Variants in SEMA4D observed in about 807,000 individuals in gnomAD.
SEMA4D encodes semaphorin 4D, also known as semaphorin-4D.
Under a neutral mutation model 74.8 loss-of-function variants are expected in SEMA4D, and 22 were observed. The ratio of observed to expected loss-of-function variants is 0.29; its 90% CI spans 0.21 to 0.42. SEMA4D has a LOEUF of 0.42. Among genes scored for constraint, SEMA4D ranks in the 10% least tolerant of loss-of-function variants. The pLI, the probability that SEMA4D is intolerant of heterozygous loss-of-function variation, is 1.00. For synonymous variants in SEMA4D, 445 were observed against 463.7 expected, an observed-to-expected ratio of 0.96 and a Z score of 0.52; for missense variants, 937 against 1,118.4, an observed-to-expected ratio of 0.84 and a Z score of 2.31.
downstream of SEMA4D, chr9:89,376,763 C>A: frequency 6.7e-7 from 1 of 1,498,326 alleles, no homozygotes; most frequent in Admixed American, 2.1e-5. Flanking sequence ...GGAGGATGCC[C>A]CCGCCCGCCC....
At chr9:89,388,828 G>A (rs760144022) in intron 10 of SEMA4D, 36 bp from the exon 11 acceptor site, 112 of 1,606,424 alleles carry the variant, frequency 7.0e-5, no homozygotes, top group East Asian at 5.1e-4. Context: ...ACCACCTGGC[G>A]GCATCAAGGG....
intron 13 of SEMA4D, chr9:89,384,510 G>A (rs771216576): frequency 5.0e-5 from 15 of 302,804 alleles, no homozygotes; most frequent in South Asian, 2.6e-4. Flanking sequence ...GTATTTCACA[G>A]GTAAAAAGCT....
intron 2 of SEMA4D, among the ~76,000 whole-genome samples, chr9:89,425,851 C>T (rs974970978): frequency 5.9e-5 from 9 of 152,238 alleles, no homozygotes; most frequent in South Asian, 2.1e-4. Context: ...TGGCACAGTG[C>T]TCTCCAGCTG....
At chr9:89,372,109 G>A (rs1835083305) in intron 16 of SEMA4D, among the ~76,000 whole-genome samples, 1 of 49,278 alleles carries the variant, frequency 2.0e-5, no homozygotes, top group South Asian at 9.9e-4. Flanking sequence ...GGTGTGATGG[G>A]TGTGGTGTGT....
At chr9:89,467,177 T>C (rs575991589) in intron 1 of SEMA4D, among the ~76,000 whole-genome samples, 1 of 152,296 alleles carries the variant, frequency 6.6e-6, no homozygotes, top group East Asian at 1.9e-4. Flanking sequence ...CACAAGGACA[T>C]GGGTACACGG....
At chr9:89,435,697 C>T (rs1850237020) in intron 2 of SEMA4D, among the ~76,000 whole-genome samples, 1 of 152,212 alleles carries the variant, frequency 6.6e-6, no homozygotes, top group Non-Finnish European at 1.5e-5. Flanking sequence ...CAGAGCAAGT[C>T]CTACAGGCTC....
chr9:89,492,368 T>C lies in SEMA4D; in HGVS notation c.-310+5551A>G, dbSNP rs1825696377. On this transcript the variant is annotated intron_variant, in intron 1 of 15. Coordinates refer to ENST00000422704, the MANE Select transcript of SEMA4D (RefSeq NM_001371194.2). This position sits in a 1 kb window ranked among gnomAD's most constrained non-coding sequence, Gnocchi z 4.3. ...GTTCCAGGCTCAGTCCTCGGACCTC[T>C]TCTCTTTTCCATCTACCTCAACTCC... Among the ~76,000 whole-genome samples the C allele has an allele frequency of 6.6e-6, 1 of 152,130 alleles. No homozygotes were observed. Among genetic ancestry groups the C allele is most frequent in the Admixed American group, 6.5e-5 (1 of 15,278 alleles).
chr9:89,385,079 G>A, intron 13 of SEMA4D: 2 of 979,636 alleles, frequency 2.0e-6, no homozygotes, highest in Non-Finnish European at 2.4e-6. Context: ...GAGGCTCCCT[G>A]TGTGGCCAGC....
chr9:89,385,575 T>C (rs1311299130), intron 13 of SEMA4D: 1 of 985,238 alleles, frequency 1.0e-6, no homozygotes, highest in East Asian at 1.1e-4. Context: ...CTTTCAGATC[T>C]GAGGGAGAAC....
chr9:89,403,085 G>A (rs1842554042), intron 3 of SEMA4D, 69 bp from the exon 4 acceptor site: 6 of 1,543,642 alleles, frequency 3.9e-6, no homozygotes, highest in Admixed American at 1.7e-5. Context: ...TTAAACCTGA[G>A]CACATCCTAG....
At chr9:89,399,831 T>C (rs911935703) in intron 4 of SEMA4D, among the ~76,000 whole-genome samples, 12 of 151,336 alleles carry the variant, frequency 7.9e-5, no homozygotes, top group Non-Finnish European at 1.3e-4. Flanking sequence ...AACTCCATCT[T>C]TACTAAAAAT....
At position 89,386,441 on chromosome 9, in the gene SEMA4D, C is replaced by T. The variant is rs375803033; in HGVS notation, c.1372G>A (p.Val458Ile). 9.3e-6 allele frequency: 15 copies of T among 1,614,016 alleles called. No individual in the cohort carries two copies. The highest frequency in any genetic ancestry group is 5.0e-5 in the Admixed American group (3 of 60,008). ...LHKAISLEHA[V>I]HIIEETQLFQ... Reference sequence around the variant, plus strand: ...AGCTGGGTCTCCTCGATGATGTGAACAGCGTGCTCGAGGCTGATGGCTTTG... The same window carrying T: ...AGCTGGGTCTCCTCGATGATGTGAATAGCGTGCTCGAGGCTGATGGCTTTG... The change falls in exon 13 of 16, where the codon GTT becomes ATT. Residue 458 changes from valine (V) to isoleucine (I), a missense_variant. Val to Ile is a conservative substitution (Grantham distance 29). Coordinates refer to ENST00000422704, the MANE Select transcript of SEMA4D (RefSeq NM_001371194.2).
chr9:89,444,113 T>C (rs1852279179), intron 2 of SEMA4D, among the ~76,000 whole-genome samples: 1 of 152,236 alleles, frequency 6.6e-6, no homozygotes, highest in Non-Finnish European at 1.5e-5. Flanking sequence ...TTTACATTTA[T>C]TGTCCTAGAC....
chr9:89,477,727 C>T (rs575337574), intron 1 of SEMA4D, among the ~76,000 whole-genome samples: 10 of 152,274 alleles, frequency 6.6e-5, no homozygotes, highest in African/African-American at 2.2e-4. Context: ...ATGGCATTTA[C>T]CCAGCACAAT....
At chr9:89,490,602 G>A (rs769441500) in intron 1 of SEMA4D, among the ~76,000 whole-genome samples, 4 of 152,150 alleles carry the variant, frequency 2.6e-5, no homozygotes, top group Non-Finnish European at 4.4e-5. Context: ...TTCTGTGCAC[G>A]CTGAAGGTGG....
chr9:89,492,231 C>T lies in SEMA4D; in HGVS notation c.-310+5688G>A, dbSNP rs899244962. 1.3e-5 allele frequency among the ~76,000 whole-genome samples: 2 copies of T among 152,170 alleles called. No individual in the cohort carries two copies. The highest frequency in any genetic ancestry group is 2.9e-5 in the Non-Finnish European group (2 of 68,036). On this transcript the variant is annotated intron_variant, in intron 1 of 15. Coordinates refer to ENST00000422704, the MANE Select transcript of SEMA4D (RefSeq NM_001371194.2). This position sits in a 1 kb window ranked among gnomAD's most constrained non-coding sequence, Gnocchi z 4.3. Reference sequence around the variant, plus strand: ...CCAGGTTGTCTTCGGTTCTCACCTTCGTGACCTCCGCTGTCACCCTCCCTC... The same window carrying T: ...CCAGGTTGTCTTCGGTTCTCACCTTTGTGACCTCCGCTGTCACCCTCCCTC...
At chr9:89,454,058 C>G (rs886880326) in intron 2 of SEMA4D, among the ~76,000 whole-genome samples, 8 of 152,080 alleles carry the variant, frequency 5.3e-5, no homozygotes, top group Admixed American at 5.2e-4. Context: ...AGGGTTTCAC[C>G]ACGTTAGCCA....
intron 2 of SEMA4D, among the ~76,000 whole-genome samples, chr9:89,416,169 G>A (rs1845663511): frequency 6.6e-6 from 1 of 152,196 alleles, no homozygotes; most frequent in Non-Finnish European, 1.5e-5. Flanking sequence ...GGAAGGTGTG[G>A]GGTAAAGGAC....
chr9:89,398,518 G>A (rs1841493899), intron 5 of SEMA4D, among the ~76,000 whole-genome samples: 1 of 152,152 alleles, frequency 6.6e-6, no homozygotes, highest in Non-Finnish European at 1.5e-5. Context: ...AAGAGCTCAG[G>A]ACCCTGAGTG....
Sources: gnomAD v4.1 joint callset for allele counts (sites outside exome capture counted in the v4.1 genomes callset) on GRCh38, gnomAD v4.1.1 for gene constraint, Gnocchi (gnomAD v3.1) non-coding constraint, MANE v1.5 for transcripts, NCBI Gene and HGNC (gene_info 2026-07-23, HGNC 2026-07-21) for gene names.